The following BCAR3 variants were observed in gnomAD, a reference collection of about 807,000 sequenced individuals.
The protein encoded by BCAR3 is breast cancer anti-estrogen resistance protein 3.
In BCAR3, 37 loss-of-function variants were observed where a neutral mutation model predicts 80.1. The observed-to-expected ratio is 0.46, with a 90% confidence interval of 0.36 to 0.61. The LOEUF is 0.61. Ranked by LOEUF, BCAR3 falls within the 20% of genes least tolerant of loss-of-function variation. The pLI, the probability that BCAR3 is intolerant of heterozygous loss-of-function variation, is 0.00. For missense variants in BCAR3, 978 were observed against 1,068.2 expected, an observed-to-expected ratio of 0.92 and a Z score of 1.18; for synonymous variants, 389 against 418.9, an observed-to-expected ratio of 0.93 and a Z score of 0.87.
chr1:93,701,444 G>T (rs1336815298), intron 3 of BCAR3, among the ~76,000 whole-genome samples: 1 of 152,216 alleles, frequency 6.6e-6, no homozygotes, highest in Non-Finnish European at 1.5e-5. Context: ...ATGTGCATCG[G>T]TCTGTTGGGC....
At chr1:93,794,258 TAA>T (rs1486680818) in intron 2 of BCAR3, among the ~76,000 whole-genome samples, 6 of 65,110 alleles carry the variant, frequency 9.2e-5, no homozygotes, top group African/African-American at 2.3e-4. Context: ...AGTGGGGTGT[TAA>T]AGTCTCCCAT....
rs188226840 is a variant in BCAR3, at chr1:93,722,877, C to G, written c.-62-16735G>C. 3.0e-3 allele frequency among the ~76,000 whole-genome samples: 451 copies of G among 152,158 alleles called. 1 individual carries two copies. The highest frequency in any genetic ancestry group is 9.9e-3 in the African/African-American group (411 of 41,504). On this transcript the variant is annotated intron_variant, in intron 2 of 13. Transcript: ENST00000370244. ...CACACACAAGAGCGACAGGATTAGG[C>G]CCCTGAGAGTAAAATCCTTCACTCT...
At chr1:93,607,577 C>T (rs575537728) in intron 3 of BCAR3, among the ~76,000 whole-genome samples, 24 of 152,008 alleles carry the variant, frequency 1.6e-4, no homozygotes, top group Admixed American at 5.2e-4. Context: ...ACTCACTCCG[C>T]ATCCAAGCCA....
chr1:93,762,413 A>C (rs1178025591), intron 2 of BCAR3, among the ~76,000 whole-genome samples: 1 of 152,190 alleles, frequency 6.6e-6, no homozygotes, highest in African/African-American at 2.4e-5. Context: ...TGACCATAGA[A>C]TTGGGTCAGA....
At chr1:93,701,187 G>A (rs1649627050) in intron 3 of BCAR3, among the ~76,000 whole-genome samples, 1 of 152,208 alleles carries the variant, frequency 6.6e-6, no homozygotes, top group Non-Finnish European at 1.5e-5. Flanking sequence ...GGAGCACAGG[G>A]CCTGCCACAC....
At chr1:93,703,154 T>C (rs185911014) in intron 3 of BCAR3, among the ~76,000 whole-genome samples, 5 of 152,340 alleles carry the variant, frequency 3.3e-5, no homozygotes, top group Non-Finnish European at 5.9e-5. Flanking sequence ...GGACTGCTTA[T>C]CATATATACT....
intron 2 of BCAR3, among the ~76,000 whole-genome samples, chr1:93,845,095 AT>A (rs1557708195): frequency 6.6e-6 from 1 of 152,030 alleles, no homozygotes; most frequent in Non-Finnish European, 1.5e-5. Context: ...TCCTTAGCAC[AT>A]TGTTTCTTTC....
chr1:93,809,685 T>C (rs1164765124), intron 2 of BCAR3, among the ~76,000 whole-genome samples: 2 of 151,096 alleles, frequency 1.3e-5, no homozygotes, highest in Admixed American at 1.3e-4. Context: ...GGAGAATTGC[T>C]TGAACCTGGG....
intron 2 of BCAR3, among the ~76,000 whole-genome samples, chr1:93,786,086 G>A (rs1652929373): frequency 7.2e-6 from 1 of 139,222 alleles, no homozygotes; most frequent in South Asian, 2.3e-4. Flanking sequence ...CCAGCTACTC[G>A]GGAGGCTGAG....
At chr1:93,622,933 C>A (rs977728255) in intron 3 of BCAR3, among the ~76,000 whole-genome samples, 1 of 152,122 alleles carries the variant, frequency 6.6e-6, no homozygotes, top group Admixed American at 6.5e-5. Flanking sequence ...GGGAGAGCAG[C>A]AGAAACCCAT....
chr1:93,611,546 C>G (rs548150624), intron 3 of BCAR3, among the ~76,000 whole-genome samples: 77 of 152,264 alleles, frequency 5.1e-4, no homozygotes, highest in African/African-American at 1.8e-3. Context: ...AAGTCATGAC[C>G]CTCAACATGG....
At chr1:93,800,377 A>C (rs1243988013) in intron 2 of BCAR3, among the ~76,000 whole-genome samples, 1 of 152,024 alleles carries the variant, frequency 6.6e-6, no homozygotes, top group African/African-American at 2.4e-5. Flanking sequence ...AGTTCGAAAC[A>C]AGCCTGGCCA....
intron 2 of BCAR3, among the ~76,000 whole-genome samples, chr1:93,724,838 C>T (rs1650526248): frequency 6.6e-6 from 1 of 152,212 alleles, no homozygotes; most frequent in Non-Finnish European, 1.5e-5. Context: ...AAGGGTTTCT[C>T]TCCACTTCCA....
At chr1:93,830,486 G>C (rs1280076272) in intron 2 of BCAR3, among the ~76,000 whole-genome samples, 2 of 152,064 alleles carry the variant, frequency 1.3e-5, no homozygotes, top group African/African-American at 4.8e-5. Context: ...TTAACTGAGC[G>C]ATTAACCTTG....
At chr1:93,838,774 C>A (rs1196266078) in intron 2 of BCAR3, among the ~76,000 whole-genome samples, 1 of 152,152 alleles carries the variant, frequency 6.6e-6, no homozygotes, top group Non-Finnish European at 1.5e-5. Context: ...AGGGCAATTT[C>A]AGCCGGTGTA....
chr1:93,780,095 C>A (rs1431497864), intron 2 of BCAR3, among the ~76,000 whole-genome samples: 1 of 152,222 alleles, frequency 6.6e-6, no homozygotes, highest in African/African-American at 2.4e-5. Flanking sequence ...AACACCCAAA[C>A]CTCAGCCTTT....
chr1:93,768,557 A>G (rs1652240495), intron 2 of BCAR3, among the ~76,000 whole-genome samples: 1 of 152,202 alleles, frequency 6.6e-6, no homozygotes, highest in South Asian at 2.1e-4. Context: ...CTTGGTAACT[A>G]GGAGAACTTA....
At chr1:93,737,421 G>C (rs1571084769) in intron 2 of BCAR3, among the ~76,000 whole-genome samples, 1 of 152,192 alleles carries the variant, frequency 6.6e-6, no homozygotes, top group Non-Finnish European at 1.5e-5. Flanking sequence ...TAAGCACAGA[G>C]AGACACACAG....
At chr1:93,709,693 A>G (rs747671745) in intron 2 of BCAR3, among the ~76,000 whole-genome samples, 10 of 152,176 alleles carry the variant, frequency 6.6e-5, no homozygotes, top group Non-Finnish European at 1.3e-4. Flanking sequence ...GGAAGAGAAA[A>G]AGGAAGGCTG....
Sources: gnomAD v4.1 joint callset for allele counts (sites outside exome capture counted in the v4.1 genomes callset) on GRCh38, gnomAD v4.1.1 for gene constraint, MANE v1.5 for transcripts, NCBI Gene and HGNC (gene_info 2026-07-23, HGNC 2026-07-21) for gene names.